NTN1: variants seen among roughly 807,000 people sequenced by gnomAD.
NTN1 encodes the protein netrin 1.
Under a neutral mutation model 54.2 loss-of-function variants are expected in NTN1, and 11 were observed. The ratio of observed to expected loss-of-function variants is 0.20; its 90% CI spans 0.13 to 0.34. The LOEUF (loss-of-function observed/expected upper bound fraction) is 0.34, where lower values mean the gene tolerates loss of function less well. Among genes scored for constraint, NTN1 ranks in the 10% least tolerant of loss-of-function variants. The pLI is 1.00. For synonymous variants in NTN1, 371 were observed against 382.0 expected, an observed-to-expected ratio of 0.97 and a Z score of 0.33; for missense variants, 740 against 893.1, an observed-to-expected ratio of 0.83 and a Z score of 2.18.
chr17:9,094,857 C>T (rs1457208053), intron 2 of NTN1, among the ~76,000 whole-genome samples: 3 of 151,914 alleles, frequency 2.0e-5, no homozygotes, highest in Non-Finnish European at 2.9e-5. Flanking sequence ...GGCATGGTGG[C>T]GCATGCCTGT....
At chr17:9,206,230 C>A (rs1904965226) in intron 5 of NTN1, among the ~76,000 whole-genome samples, 1 of 152,204 alleles carries the variant, frequency 6.6e-6, no homozygotes, top group Admixed American at 6.5e-5. Context: ...GTCAGGAGGG[C>A]TTTTTGCAGT....
intron 5 of NTN1, among the ~76,000 whole-genome samples, chr17:9,195,460 GGAGA>G (rs982256832): frequency 6.6e-6 from 1 of 152,182 alleles, no homozygotes; most frequent in Non-Finnish European, 1.5e-5. Context: ...CAGGTGTCAG[GGAGA>G]GAGAGGATGG....
rs78348297 is a variant in NTN1 at position 9,211,202 on chromosome 17, T to C, written c.1412-9966T>C. ...AAACCCCAGCTTTTGCCAGCTCCAG[T>C]CTCCCTTCCTTTTGGTTTCTCACAC... On this transcript the variant is annotated intron_variant, in intron 5 of 6. Transcript: ENST00000173229. The surrounding 1 kb of genome is among the most constrained non-coding windows in gnomAD (Gnocchi z 4.4). Among the ~76,000 whole-genome samples the C allele has an allele frequency of 0.04, 6,056 of 152,216 alleles. 201 individuals are homozygous for C. The highest frequency in any genetic ancestry group is 0.16 in the East Asian group (830 of 5,160).
intron 4 of NTN1, among the ~76,000 whole-genome samples, chr17:9,180,612 A>C (rs2092415980): frequency 6.6e-6 from 1 of 152,126 alleles, no homozygotes; most frequent in Non-Finnish European, 1.5e-5. Context: ...TGTTGTCACT[A>C]TTGCCGGAAT....
chr17:9,103,225 A>G (rs1024251806), intron 2 of NTN1, among the ~76,000 whole-genome samples: 1 of 152,274 alleles, frequency 6.6e-6, no homozygotes, highest in African/African-American at 2.4e-5. Flanking sequence ...ACCCATGTTC[A>G]TAGCAGCATG....
chr17:9,201,780 G>A (rs1238481788), intron 5 of NTN1, among the ~76,000 whole-genome samples: 1 of 152,028 alleles, frequency 6.6e-6, no homozygotes, highest in Non-Finnish European at 1.5e-5. Context: ...TGGATGACAG[G>A]GAGTCAGGGA....
intron 2 of NTN1, among the ~76,000 whole-genome samples, chr17:9,088,072 A>G (rs529142591): frequency 4.3e-4 from 65 of 152,248 alleles, no homozygotes; most frequent in African/African-American, 1.5e-3. Flanking sequence ...TGAGACGCAT[A>G]CTGCTGTGCT....
chr17:9,080,913 A>G (rs935616165), intron 2 of NTN1, among the ~76,000 whole-genome samples: 3 of 152,212 alleles, frequency 2.0e-5, no homozygotes, highest in Non-Finnish European at 2.9e-5. Flanking sequence ...GTCTCACCCT[A>G]TGTATCTCTT....
At chr17:9,128,631 C>G (rs2092254584) in intron 2 of NTN1, among the ~76,000 whole-genome samples, 1 of 151,754 alleles carries the variant, frequency 6.6e-6, no homozygotes, top group Non-Finnish European at 1.5e-5. Flanking sequence ...TGGTCGTTTT[C>G]CTTGGATTCA....
At position 9,104,088 on chromosome 17, in the gene NTN1, C is replaced by CAAAAAA. The variant is rs55732200; in HGVS notation, c.1019-58707_1019-58702dup. On this transcript the variant is annotated intron_variant, in intron 2 of 6. Coordinates refer to ENST00000173229, the MANE Select transcript of NTN1 (RefSeq NM_004822.3). ...TGGGCAACAGAGAGAGACTCCATCTCAAAAAAAAAAAAAAAAAAAAAAAGA... is the reference window on the plus strand; with the variant it reads ...TGGGCAACAGAGAGAGACTCCATCTCAAAAAAAAAAAAAAAAAAAAAAAAAAAAAGA... 2.2e-3 allele frequency among the ~76,000 whole-genome samples: 154 copies of CAAAAAA among 70,744 alleles called. 4 individuals carry two copies. Among genetic ancestry groups the CAAAAAA allele is most frequent in the African/African-American group, 5.8e-3 (97 of 16,738 alleles). The allele number at this position is 70,744 out of a possible 152,430, so 46.4% of individuals were successfully genotyped here. A position where few individuals can be genotyped will look rare whatever the true frequency, so the allele number is the denominator to read the frequency against.
At chr17:9,209,164 C>T (rs1225123134) in intron 5 of NTN1, among the ~76,000 whole-genome samples, 1 of 152,214 alleles carries the variant, frequency 6.6e-6, no homozygotes, top group African/African-American at 2.4e-5. Context: ...GAATGGGTAG[C>T]AGTTATGACC....
At chr17:9,021,241 G>A (rs1199005247), upstream of NTN1, among the ~76,000 whole-genome samples, 3 of 151,470 alleles carry the variant, frequency 2.0e-5, no homozygotes, top group African/African-American at 4.8e-5. Flanking sequence ...CTCCCCCACG[G>A]GGTGCGCGCC....
At position 9,121,659 on chromosome 17, in the gene NTN1, G is replaced by A. The variant is rs184729878; in HGVS notation, c.1019-41154G>A. 7.4e-4 allele frequency among the ~76,000 whole-genome samples: 112 copies of A among 152,280 alleles called. 1 individual carries two copies. The highest frequency in any genetic ancestry group is 2.6e-3 in the African/African-American group (106 of 41,562). On this transcript the variant is annotated intron_variant, in intron 2 of 6. Transcript: ENST00000173229. Reference sequence around the variant, plus strand: ...CCCTACTCCATAGGAATGTGGCCTGGAGGGTACCCCACCGGGTCAGCTGGT... The same window carrying A: ...CCCTACTCCATAGGAATGTGGCCTGAAGGGTACCCCACCGGGTCAGCTGGT...
At chr17:9,047,231 A>G (rs967606645) in intron 2 of NTN1, among the ~76,000 whole-genome samples, 2 of 152,228 alleles carry the variant, frequency 1.3e-5, no homozygotes, top group African/African-American at 4.8e-5. Context: ...ACAGCAGTGC[A>G]GTTTGCCACA....
Position 9,185,823 on chromosome 17 carries a change from G to A in NTN1, c.1411+2854G>A, listed in dbSNP as rs73976433. On this transcript the variant is annotated intron_variant, in intron 5 of 6. Coordinates refer to ENST00000173229, the MANE Select transcript of NTN1 (RefSeq NM_004822.3). ...TGCAAATTGTTTGTTTGGTTTTGTG[G>A]TGGCCATTTGGTTTGGTGGGAGGAG... Among the ~76,000 whole-genome samples the A allele has an allele frequency of 9.3e-3, 1,415 of 152,332 alleles. 14 individuals carry two copies. The highest frequency in any genetic ancestry group is 0.032 in the African/African-American group (1,330 of 41,570).
chr17:9,152,532 C>T (rs2092330746), intron 2 of NTN1, among the ~76,000 whole-genome samples: 2 of 152,166 alleles, frequency 1.3e-5, no homozygotes, highest in South Asian at 4.2e-4. Context: ...ATGGCAATTC[C>T]CAGCTGTGAT....
intron 2 of NTN1, among the ~76,000 whole-genome samples, chr17:9,145,258 C>T (rs1257057920): frequency 6.6e-6 from 1 of 152,188 alleles, no homozygotes; most frequent in East Asian, 1.9e-4. Flanking sequence ...ATGTGGGTTC[C>T]CTCCAACCCT....
At chr17:9,021,723 C>T (rs947626034) in intron 1 of NTN1, 138 bp downstream of exon 1, 2 of 151,846 alleles carry the variant, frequency 1.3e-5, no homozygotes, top group African/African-American at 2.4e-5. Flanking sequence ...GCTGGGGCAG[C>T]GGCGGCCGCG....
chr17:9,079,829 C>T (rs896612081), intron 2 of NTN1, among the ~76,000 whole-genome samples: 4 of 151,902 alleles, frequency 2.6e-5, no homozygotes, highest in Admixed American at 6.6e-5. Context: ...AAGTGGTTCC[C>T]CAATGGGCCT....
Sources: gnomAD v4.1 joint callset for allele counts (sites outside exome capture counted in the v4.1 genomes callset) on GRCh38, gnomAD v4.1.1 for gene constraint, Gnocchi (gnomAD v3.1) non-coding constraint, MANE v1.5 for transcripts, NCBI Gene and HGNC (gene_info 2026-07-23, HGNC 2026-07-21) for gene names.